PRKN: variants seen among roughly 807,000 people sequenced by gnomAD.
The protein encoded by PRKN is parkin RBR E3 ubiquitin protein ligase.
A neutral mutation model predicts 59.5 loss-of-function variants in PRKN; 56 were observed. The ratio of observed to expected loss-of-function variants is 0.94; its 90% CI spans 0.76 to 1.18. PRKN has a LOEUF of 1.18. PRKN is among the 50% of genes most tolerant of loss of function. The probability of loss-of-function intolerance (pLI) is 0.00; values close to 1 mark genes in which losing one functional copy is unlikely to be tolerated. For missense variants in PRKN, 657 were observed against 596.4 expected (o/e 1.10, Z -1.06); for synonymous variants, 250 against 222.1 (o/e 1.13, Z -1.12).
Position 161,548,870 on chromosome 6 carries a change from T to C in PRKN, c.1067A>G (p.Asn356Ser), listed in dbSNP as rs1156249065. ...AGTACTCACCCCACAGCCCAGGCCA[T>C]TGCCCCCTTCGCAGGTGACTTTCCT... is the stretch of plus-strand genomic sequence containing the variant. ...DQRKVTCEGG[N>S]GLGCGFAFCR... Residue 356 changes from asparagine (N) to serine (S), a missense_variant, in exon 9 of 12, where the codon AAT becomes AGT. Transcript: ENST00000366898. This position sits in a 1 kb window ranked among gnomAD's most constrained non-coding sequence, Gnocchi z 4.2. The C allele has an allele frequency of 2.5e-6, 4 of 1,614,016 alleles. No homozygotes were observed. In the African/African-American group the frequency reaches 4.0e-5, roughly 16 times the overall value.
chr6:162,343,529 G>T (rs941439428), intron 2 of PRKN, among the ~76,000 whole-genome samples: 3 of 152,194 alleles, frequency 2.0e-5, no homozygotes, highest in Non-Finnish European at 4.4e-5. Flanking sequence ...TAGACTACAT[G>T]GTGGCACTAG....
chr6:162,682,080 C>G (rs949088393), intron 1 of PRKN, among the ~76,000 whole-genome samples: 7 of 151,564 alleles, frequency 4.6e-5, no homozygotes, highest in Non-Finnish European at 8.8e-5. Context: ...ATGTTCATAC[C>G]CTTTGACTCA....
At chr6:162,499,304 A>G (rs1310471423) in intron 1 of PRKN, among the ~76,000 whole-genome samples, 2 of 152,190 alleles carry the variant, frequency 1.3e-5, no homozygotes, top group East Asian at 3.9e-4. Context: ...GTGCCCTGGT[A>G]AATCTTTCAT....
chr6:162,137,533 T>C (rs1046991673), intron 4 of PRKN, among the ~76,000 whole-genome samples: 1 of 152,198 alleles, frequency 6.6e-6, no homozygotes, highest in Non-Finnish European at 1.5e-5. Context: ...TGTGCTGCTA[T>C]AACAGAACTC....
chr6:161,806,224 A>G (rs1172014630), intron 6 of PRKN, among the ~76,000 whole-genome samples: 1 of 152,122 alleles, frequency 6.6e-6, no homozygotes, highest in African/African-American at 2.4e-5. Flanking sequence ...GCTAGACACC[A>G]AAGTAGTGAA....
intron 7 of PRKN, among the ~76,000 whole-genome samples, chr6:161,724,932 TAGTG>T (rs1262323000): frequency 3.9e-5 from 6 of 152,162 alleles, no homozygotes; most frequent in Admixed American, 2.6e-4. Context: ...TCTTCACAAA[TAGTG>T]AGTGAGTTCT....
At chr6:162,375,409 T>C (rs1310525470) in intron 2 of PRKN, among the ~76,000 whole-genome samples, 2 of 151,940 alleles carry the variant, frequency 1.3e-5, no homozygotes, top group African/African-American at 4.8e-5. Flanking sequence ...ACTCCTGTTT[T>C]TTTTTTTTTC....
chr6:162,328,514 G>T (rs1307710782), intron 2 of PRKN, among the ~76,000 whole-genome samples: 3 of 152,174 alleles, frequency 2.0e-5, no homozygotes, highest in Non-Finnish European at 4.4e-5. Flanking sequence ...AAAGATGGGT[G>T]AATAAGAAAC....
chr6:162,066,145 C>T (rs1778327481), intron 4 of PRKN, among the ~76,000 whole-genome samples: 1 of 152,200 alleles, frequency 6.6e-6, no homozygotes, highest in Non-Finnish European at 1.5e-5. Context: ...GGAATCGCCA[C>T]ACTGTCTTCC....
chr6:162,676,398 G>C (rs1779545127), intron 1 of PRKN, among the ~76,000 whole-genome samples: 1 of 152,126 alleles, frequency 6.6e-6, no homozygotes, highest in Non-Finnish European at 1.5e-5. Flanking sequence ...TTTATTGTCA[G>C]AGATTGGGCT....
chr6:161,811,923 A>AAAAT (rs920885819), intron 6 of PRKN, among the ~76,000 whole-genome samples: 9 of 151,962 alleles, frequency 5.9e-5, no homozygotes, highest in African/African-American at 1.4e-4. Flanking sequence ...CTCTGTCTCA[A>AAAAT]AAATAAATAA....
intron 1 of PRKN, among the ~76,000 whole-genome samples, chr6:162,480,976 T>TTGTGTG (rs112268739): frequency 3.2e-4 from 48 of 150,046 alleles, no homozygotes; most frequent in African/African-American, 1.1e-3. Flanking sequence ...CAGCTAATTT[T>TTGTGTG]TGTGTGTGTG....
chr6:162,364,924 G>A (rs913256096), intron 2 of PRKN, among the ~76,000 whole-genome samples: 4 of 150,658 alleles, frequency 2.7e-5, no homozygotes, highest in Non-Finnish European at 5.9e-5. Flanking sequence ...GAAACTACAA[G>A]CCCTAAGGCA....
intron 5 of PRKN, among the ~76,000 whole-genome samples, chr6:162,001,438 C>A (rs1052347509): frequency 2.0e-5 from 3 of 151,948 alleles, no homozygotes; most frequent in African/African-American, 7.2e-5. Flanking sequence ...GTTCTTAATC[C>A]GAAATTCCAC....
chr6:161,816,297 A>C (rs375261562), intron 6 of PRKN, among the ~76,000 whole-genome samples: 72 of 152,172 alleles, frequency 4.7e-4, no homozygotes, highest in African/African-American at 1.6e-3. Context: ...CCTCTAAAAA[A>C]TGGTAACTAA....
At chr6:161,892,897 C>A (rs1583307888) in intron 6 of PRKN, among the ~76,000 whole-genome samples, 1 of 152,230 alleles carries the variant, frequency 6.6e-6, no homozygotes, top group East Asian at 1.9e-4. Context: ...GGCTGGAGTG[C>A]AGTGGTGCAA....
chr6:162,718,709 T>A (rs1778818041), intron 1 of PRKN, among the ~76,000 whole-genome samples: 1 of 150,270 alleles, frequency 6.7e-6, no homozygotes, highest in Admixed American at 6.6e-5. Flanking sequence ...CAAGACTCCG[T>A]CTCAAAAAAA....
intron 1 of PRKN, among the ~76,000 whole-genome samples, chr6:162,524,991 T>G (rs1778222799): frequency 6.6e-6 from 1 of 152,170 alleles, no homozygotes; most frequent in African/African-American, 2.4e-5. Context: ...GTGACTGATC[T>G]TTCCTCAGAG....
chr6:162,060,659 A>G (rs1434336483), intron 4 of PRKN, among the ~76,000 whole-genome samples: 1 of 152,226 alleles, frequency 6.6e-6, no homozygotes, highest in African/African-American at 2.4e-5. Flanking sequence ...CACAGTCCAG[A>G]CTGACAAAAC....
Sources: allele counts gnomAD v4.1 joint callset (sites outside exome capture counted in the v4.1 genomes callset), GRCh38; gene constraint gnomAD v4.1.1; non-coding constraint Gnocchi (gnomAD v3.1); transcripts MANE v1.5; gene names NCBI Gene and HGNC (gene_info 2026-07-23, HGNC 2026-07-21).